LTA4H: variants seen among roughly 807,000 people sequenced by gnomAD.
The protein encoded by LTA4H is leukotriene A-4 hydrolase.
Under a neutral mutation model 89.8 loss-of-function variants are expected in LTA4H, and 59 were observed. That is an observed-to-expected ratio of 0.66 (90% confidence interval 0.53 to 0.82). The LOEUF (loss-of-function observed/expected upper bound fraction) is 0.82, where lower values mean the gene tolerates loss of function less well. Among genes scored for constraint, LTA4H ranks in the 40% least tolerant of loss-of-function variants. LTA4H has a pLI of 0.00. For missense variants in LTA4H, 617 were observed against 727.0 expected (o/e 0.85, Z 1.74); for synonymous variants, 227 against 253.1 (o/e 0.90, Z 0.98).
intron 16 of LTA4H, 137 bp downstream of exon 16, chr12:96,006,177 A>T: frequency 1.8e-6 from 1 of 542,660 alleles, no homozygotes. Flanking sequence ...ATGCTTTTTT[A>T]AAGAAATGAA....
chr12:96,016,951 A>C, intron 10 of LTA4H, 93 bp downstream of exon 10: 2 of 841,202 alleles, frequency 2.4e-6, no homozygotes, highest in Non-Finnish European at 4.0e-6. Flanking sequence ...AAGAAAAACA[A>C]GAGATACACA....
At chr12:96,036,053 T>A (rs898959407), upstream of LTA4H, among the ~76,000 whole-genome samples, 3 of 152,214 alleles carry the variant, frequency 2.0e-5, no homozygotes, top group African/African-American at 7.2e-5. Context: ...TATCCCCGCC[T>A]GTCACGCGGG....
intron 1 of LTA4H, among the ~76,000 whole-genome samples, chr12:96,041,749 T>C (rs1298835894): frequency 2.0e-5 from 3 of 151,738 alleles, no homozygotes; most frequent in African/African-American, 4.8e-5. Flanking sequence ...TCACGCCATT[T>C]TCCTGTCTCA....
rs932389143 is a variant in LTA4H, at chr12:96,000,802, G to A, written c.*187C>T. The A allele has an allele frequency of 6.7e-6, 3 of 449,772 alleles. No homozygotes were observed. Among genetic ancestry groups the A allele is most frequent in the African/African-American group, 3.9e-5 (2 of 51,126 alleles). The allele number at this position is 449,772 out of a possible 1,614,324, so 27.9% of individuals were successfully genotyped here. ...TTTGTAAATCAAAAGATTAAACCTT[G>A]TTAAAATTTACAAAGAATATGCCAC... On this transcript the variant is annotated 3_prime_UTR_variant, in exon 19 of 19. Coordinates refer to ENST00000228740, the MANE Select transcript of LTA4H (RefSeq NM_000895.3).
chr12:96,009,103 T>C lies in LTA4H; in HGVS notation c.1425A>G (p.Arg475=), dbSNP rs1950254818. ...LTNACIALSQ[R]WITAKEDDLN... ...ACACATTATTACTTACAGTAATCCA[T>C]CTTTGACTTAAGGCAATACAAGCAT... Residue 475 remains arginine, a synonymous_variant, in exon 15 of 19, where the codon AGA becomes AGG. Coordinates refer to ENST00000228740, the MANE Select transcript of LTA4H (RefSeq NM_000895.3). 1 of 1,601,548 alleles carries C rather than the reference T, an allele frequency of 6.2e-7. No individual in the cohort carries two copies. The highest frequency in any genetic ancestry group is 1.1e-5 in the South Asian group (1 of 90,766).
In LTA4H at chr12:96,021,058, A is replaced by C. The variant is rs750148202; in HGVS notation, c.638+27T>G. 4 of 1,595,464 alleles carry C rather than the reference A, an allele frequency of 2.5e-6. No individual in the cohort carries two copies. The South Asian group carries it at 3.4e-5, about 14-fold the overall frequency. On this transcript the variant is annotated intron_variant, in intron 6 of 18. Coordinates refer to ENST00000228740, the MANE Select transcript of LTA4H (RefSeq NM_000895.3). ...ATGCCTAAGTTTTGATCTTTCCACA[A>C]ACCTGAAAATTTTTCCAAAAGCTCA... is the stretch of plus-strand genomic sequence containing the variant.
rs1209420388 is a variant in LTA4H, at chr12:96,015,619, A to T, written c.1023T>A (p.Phe341Leu). 8 of 1,614,022 alleles carry T rather than the reference A, an allele frequency of 5.0e-6. No homozygotes were observed. The East Asian group carries it at 1.6e-4, about 31-fold the overall frequency. The change falls in exon 11 of 19, where the codon TTT (phenylalanine) becomes TTA (leucine). Residue 341 changes from phenylalanine to leucine, a missense_variant. Coordinates refer to ENST00000228740, the MANE Select transcript of LTA4H (RefSeq NM_000895.3). ...GTTCTCCCCATCCTCCCAGAGCATT[A>T]AAATGTCTGAACTTTTCACCAAACA... ...GRLFGEKFRHFNALGGWGELQ... is the reference protein window; with the variant it reads ...GRLFGEKFRHLNALGGWGELQ...
chr12:96,009,241 C>A, intron 14 of LTA4H, 93 bp from the exon 15 acceptor site: 2 of 809,980 alleles, frequency 2.5e-6, no homozygotes, highest in South Asian at 1.5e-5. Context: ...TTTCAAAGTC[C>A]CTTTTAAATA....
intron 3 of LTA4H, among the ~76,000 whole-genome samples, chr12:96,027,003 A>G (rs1950520061): frequency 6.6e-6 from 1 of 152,244 alleles, no homozygotes. Context: ...TGGAAAAGCT[A>G]CATTCCAAAC....
intron 3 of LTA4H, among the ~76,000 whole-genome samples, chr12:96,026,616 T>C (rs146647916): frequency 3.2e-4 from 48 of 152,300 alleles, no homozygotes; most frequent in Non-Finnish European, 5.9e-4. Flanking sequence ...CAAGTGGCCA[T>C]AGAAAGTAAA....
chr12:96,034,948 C>T (rs1163102163), intron 1 of LTA4H, among the ~76,000 whole-genome samples: 1 of 152,068 alleles, frequency 6.6e-6, no homozygotes, highest in Non-Finnish European at 1.5e-5. Context: ...GGCCGCAGGC[C>T]GAAGCAATGG....
chr12:96,006,261 ATGC>A, intron 16 of LTA4H, 50 bp downstream of exon 16: 1 of 1,128,926 alleles, frequency 8.9e-7, no homozygotes, highest in Non-Finnish European at 1.3e-6. Flanking sequence ...TAGAACATAA[ATGC>A]TGTGCCTTTC....
rs375348628 is a variant in LTA4H at position 96,035,526 on chromosome 12, G to C, written c.-7C>G. 5 of 1,600,126 alleles carry C rather than the reference G, an allele frequency of 3.1e-6. No individual in the cohort carries two copies. The African/African-American group carries it at 4.0e-5, about 13-fold the overall frequency. Reference sequence around the variant, plus strand: ...TATCCACTATCTCGGGCATGGCTCTGGGGGATCACACAGCACAGCGACCTA... The same window carrying C: ...TATCCACTATCTCGGGCATGGCTCTCGGGGATCACACAGCACAGCGACCTA... On this transcript the variant is annotated 5_prime_UTR_variant, in exon 1 of 19. Transcript: ENST00000228740.
At chr12:96,037,038 A>G (rs149500381), upstream of LTA4H, among the ~76,000 whole-genome samples, 376 of 152,342 alleles carry the variant, frequency 2.5e-3, 1 homozygote, top group Non-Finnish European at 4.4e-3. Context: ...CCGTGACCCA[A>G]ACACCTCCCA....
In LTA4H at chr12:96,003,848, T is replaced by C; in HGVS notation, c.1603A>G (p.Ile535Val). ...GTTAAAATGATGTACCTGAATCGTA[T>C]TTCAGAATTGTTAATGGCATTGAAG... ...YNFNAINNSE[I>V]RFRWLRLCIQ... Residue 535 changes from isoleucine to valine, a missense_variant, in exon 17 of 19, where the codon ATA becomes GTA. Physicochemically the swap from Ile to Val is conservative, Grantham distance 29. This residue lies in a region of LTA4H where 290 missense variants were observed against 339.1 expected (regional missense o/e 0.86). Coordinates refer to ENST00000228740, the MANE Select transcript of LTA4H (RefSeq NM_000895.3). 1 of 1,607,412 alleles carries C rather than the reference T, an allele frequency of 6.2e-7. No individual in the cohort carries two copies. The highest frequency in any genetic ancestry group is 8.5e-7 in the Non-Finnish European group (1 of 1,175,966).
chr12:96,005,963 G>C (rs1296853020), intron 16 of LTA4H, among the ~76,000 whole-genome samples: 1 of 151,960 alleles, frequency 6.6e-6, no homozygotes, highest in Non-Finnish European at 1.5e-5. Context: ...GGCCAGGCTG[G>C]TCTCGAACTC....
intron 17 of LTA4H, 83 bp from the exon 18 acceptor site, chr12:96,003,147 G>A: frequency 1.2e-6 from 1 of 833,602 alleles, no homozygotes; most frequent in Non-Finnish European, 2.0e-6. Flanking sequence ...TATTACTTCT[G>A]TAGTGATATG....
In LTA4H at chr12:96,035,505, C is replaced by T; in HGVS notation, c.15G>A (p.Val5=). 6.2e-7 allele frequency: 1 copy of T among 1,606,680 alleles called. No individual in the cohort carries two copies. The highest frequency in any genetic ancestry group is 2.2e-5 in the East Asian group (1 of 44,548). The change falls in exon 1 of 19, where the codon GTG becomes GTA. Residue 5 remains valine (V), a synonymous_variant. Transcript: ENST00000228740. MPEI[V]DTCSLASPAS... is the part of the protein sequence containing the mutation. ...CCGGAGAGGCCAACGAACAGGTATC[C>T]ACTATCTCGGGCATGGCTCTGGGGG...
intron 1 of LTA4H, among the ~76,000 whole-genome samples, chr12:96,034,514 C>G (rs1009913903): frequency 1.3e-5 from 2 of 152,252 alleles, no homozygotes; most frequent in Admixed American, 1.3e-4. Flanking sequence ...CTCCTTGGAA[C>G]CAACTATTAA....
Sources: gnomAD v4.1 joint callset for allele counts (sites outside exome capture counted in the v4.1 genomes callset) on GRCh38, gnomAD v4.1.1 for gene constraint, gnomAD v4.1.1 regional missense constraint, MANE v1.5 for transcripts, NCBI Gene and HGNC (gene_info 2026-07-23, HGNC 2026-07-21) for gene names.